The following COL6A3 variants were observed in gnomAD, a reference collection of about 807,000 sequenced individuals.
The protein encoded by COL6A3 is collagen alpha-3(VI) chain.
In COL6A3, 137 loss-of-function variants were observed where a neutral mutation model predicts 274.1. The ratio of observed to expected loss-of-function variants is 0.50; its 90% CI spans 0.44 to 0.58. COL6A3 has a LOEUF of 0.58. COL6A3 is among the 20% of genes least tolerant of loss of function. COL6A3 has a pLI of 0.00. For synonymous variants in COL6A3, 1,650 were observed against 1,650.6 expected (o/e 1.00, Z 0.01); for missense variants, 3,950 against 4,124.9 (o/e 0.96, Z 1.16).
chr2:237,404,759 A>C (rs1172110667), intron 1 of COL6A3, among the ~76,000 whole-genome samples: 2 of 152,194 alleles, frequency 1.3e-5, no homozygotes, highest in African/African-American at 4.8e-5. Context: ...GAGTGGGCTC[A>C]CTCTGGAGCA....
At position 237,364,094 on chromosome 2, in the gene COL6A3, T is replaced by C. The variant is rs1012672982; in HGVS notation, c.5917+256A>G. ...GTCATGATCTTTTGCAAAAGCATCA[T>C]GCTTTCTGAACATTCTACCACCTGA... On this transcript the variant is annotated intron_variant, in intron 13 of 43. Coordinates refer to ENST00000295550, the MANE Select transcript of COL6A3 (RefSeq NM_004369.4). This position sits in a 1 kb window ranked among gnomAD's most constrained non-coding sequence, Gnocchi z 4.6. Among the ~76,000 whole-genome samples the C allele has an allele frequency of 6.6e-6, 1 of 152,204 alleles. No individual in the cohort carries two copies. The highest frequency in any genetic ancestry group is 1.5e-5 in the Non-Finnish European group (1 of 68,038).
intron 21 of COL6A3, among the ~76,000 whole-genome samples, chr2:237,358,267 T>C (rs1038256893): frequency 2.0e-5 from 3 of 152,184 alleles, no homozygotes; most frequent in Admixed American, 1.3e-4. Flanking sequence ...AAAAGCAAAT[T>C]TGAAGTGCCC....
chr2:237,336,998 G>A (rs1474353252), intron 39 of COL6A3, among the ~76,000 whole-genome samples: 1 of 152,022 alleles, frequency 6.6e-6, no homozygotes, highest in Non-Finnish European at 1.5e-5. Flanking sequence ...TTTGCTCCCA[G>A]GGCTTATTAC....
Position 237,367,155 on chromosome 2 carries a change from C to T in COL6A3, c.5032G>A (p.Val1678Met), listed in dbSNP as rs1486977820. The T allele has an allele frequency of 6.2e-7, 1 of 1,614,108 alleles. No homozygotes were observed. Among genetic ancestry groups the T allele is most frequent in the Non-Finnish European group, 8.5e-7 (1 of 1,180,048 alleles). The change falls in exon 11 of 44, where the codon GTG becomes ATG. Residue 1678 changes from valine (V) to methionine (M), a missense_variant. Transcript: ENST00000295550. Reference protein sequence around the residue: ...TVYEDGDSIQVGLVQYNSDPT... With the variant: ...TVYEDGDSIQMGLVQYNSDPT... ...TCAGAGTTGTACTGGACAAGCCCCA[C>T]TTGGATGGAGTCGCCATCTTCATAA...
chr2:237,364,463 C>G lies in COL6A3; in HGVS notation c.5839-35G>C. On this transcript the variant is annotated intron_variant, in intron 12 of 43. Coordinates refer to ENST00000295550, the MANE Select transcript of COL6A3 (RefSeq NM_004369.4). This position sits in a 1 kb window ranked among gnomAD's most constrained non-coding sequence, Gnocchi z 4.6. ...AGAGAGCTGTCAAATCCCAGGAAAACTAAAAAGGAGTGTTGCAGACTGCTG... is the reference window on the plus strand; with the variant it reads ...AGAGAGCTGTCAAATCCCAGGAAAAGTAAAAAGGAGTGTTGCAGACTGCTG... 2.0e-6 allele frequency: 3 copies of G among 1,536,130 alleles called. No individual in the cohort carries two copies. Among genetic ancestry groups the G allele is most frequent in the Non-Finnish European group, 2.7e-6 (3 of 1,109,614 alleles).
At position 237,351,206 on chromosome 2, in the gene COL6A3, G is replaced by A. The variant is rs1438465157; in HGVS notation, c.6754-14C>T. The A allele has an allele frequency of 1.2e-6, 2 of 1,613,778 alleles. No homozygotes were observed. The highest frequency in any genetic ancestry group is 2.7e-5 in the African/African-American group (2 of 74,926). On this transcript the variant is annotated splice_polypyrimidine_tract_variant and intron_variant, in intron 26 of 43. Coordinates refer to ENST00000295550, the MANE Select transcript of COL6A3 (RefSeq NM_004369.4). ...ACCTCCGCTTCCCTGGAGCAGGAGG[G>A]GAGGAATGTGTCAGTGAAGTGGCCA... is the stretch of plus-strand genomic sequence containing the variant.
intron 1 of COL6A3, among the ~76,000 whole-genome samples, chr2:237,402,120 C>T (rs1021847618): frequency 6.6e-6 from 1 of 152,112 alleles, no homozygotes; most frequent in Non-Finnish European, 1.5e-5. Context: ...AAGCCAGTCA[C>T]TAAAAGACAA....
chr2:237,378,261 G>A (rs545258454), intron 6 of COL6A3, among the ~76,000 whole-genome samples: 149 of 152,272 alleles, frequency 9.8e-4, no homozygotes, highest in African/African-American at 3.3e-3. Context: ...CAATTTCAAC[G>A]TTTAAATAAT....
Position 237,380,960 on chromosome 2 carries a change from G to A in COL6A3, c.1852C>T (p.Pro618Ser), listed in dbSNP as rs1042039627. Residue 618 changes from proline to serine, a missense_variant, in exon 5 of 44, where the codon CCT (proline) becomes TCT (serine). By Grantham distance (74) the Pro-to-Ser change is moderately conservative. This residue lies in a region of COL6A3 where 1,934 missense variants were observed against 1,984.3 expected (regional missense o/e 0.97). Transcript: ENST00000295550. ...FRAAPLQGML[P>S]GLLAPLRTLS... Reference sequence around the variant, plus strand: ...GTCCTGAGAGGTGCCAGCAAGCCAGGCAGCATGCCTTGCAATGGGGCGGCT... The same window carrying A: ...GTCCTGAGAGGTGCCAGCAAGCCAGACAGCATGCCTTGCAATGGGGCGGCT... The A allele has an allele frequency of 6.2e-7, 1 of 1,614,178 alleles. No individual in the cohort carries two copies. The highest frequency in any genetic ancestry group is 1.3e-5 in the African/African-American group (1 of 75,062).
intron 3 of COL6A3, among the ~76,000 whole-genome samples, chr2:237,388,631 T>G (rs373137954): frequency 3.3e-5 from 5 of 152,320 alleles, no homozygotes; most frequent in African/African-American, 9.6e-5. Context: ...TCCTGCCTCC[T>G]CAAATGATTA....
At chr2:237,341,233 C>G (rs1316401907) in intron 37 of COL6A3, 83 bp from the exon 38 acceptor site, 1 of 1,347,864 alleles carries the variant, frequency 7.4e-7, no homozygotes. Flanking sequence ...GAGACTTGGG[C>G]GATTAAAATG....
At chr2:237,373,707 C>T (rs1168571089) in intron 8 of COL6A3, among the ~76,000 whole-genome samples, 1 of 152,164 alleles carries the variant, frequency 6.6e-6, no homozygotes, top group Admixed American at 6.5e-5. Context: ...CTGTGAACCC[C>T]CCCCACCCGA....
chr2:237,400,475 T>C (rs1003758061), intron 1 of COL6A3, among the ~76,000 whole-genome samples: 12 of 151,500 alleles, frequency 7.9e-5, no homozygotes, highest in African/African-American at 2.9e-4. Context: ...GTGAGGAAAA[T>C]AGCACACCAA....
rs766228285 is a variant in COL6A3 at position 237,357,411 on chromosome 2, C to A, written c.6538-20G>T. On this transcript the variant is annotated intron_variant, in intron 22 of 43. Transcript: ENST00000295550. ...GACACCCTGGTGTGGGGAAAATTAG[C>A]ATGAGATTCTCATCTGCAGAGAAGA... 4 of 1,603,204 alleles carry A rather than the reference C, an allele frequency of 2.5e-6. No individual in the cohort carries two copies. The South Asian group carries it at 4.4e-5, about 18-fold the overall frequency.
At chr2:237,402,653 AG>A (rs1193445698) in intron 1 of COL6A3, among the ~76,000 whole-genome samples, 1 of 152,216 alleles carries the variant, frequency 6.6e-6, no homozygotes. Context: ...ATAAGAAAAG[AG>A]TATATGTCAT....
chr2:237,336,401 A>G lies in COL6A3; in HGVS notation c.8699T>C (p.Ile2900Thr). ...GGCTGGCTTCACAGATGGCTGATTT[A>G]TAATAGTCACAGGCTTTGTTGTGGT... ...VTTTTKPVTIINQPSVKPAAA... is the reference protein window; with the variant it reads ...VTTTTKPVTITNQPSVKPAAA... The change falls in exon 40 of 44, where the codon ATA (isoleucine) becomes ACA (threonine). Residue 2900 changes from isoleucine (I) to threonine (T), a missense_variant. Physicochemically the swap from Ile to Thr is moderately conservative, Grantham distance 89 (BLOSUM62 -1). Coordinates refer to ENST00000295550, the MANE Select transcript of COL6A3 (RefSeq NM_004369.4). The G allele has an allele frequency of 6.2e-7, 1 of 1,614,220 alleles. No homozygotes were observed. Among genetic ancestry groups the G allele is most frequent in the Non-Finnish European group, 8.5e-7 (1 of 1,180,050 alleles).
rs1218890863 is a variant in COL6A3 at position 237,340,640 on chromosome 2, AT to A, written c.8275del (p.Ile2759SerfsTer20). The A allele has an allele frequency of 6.2e-7, 1 of 1,614,176 alleles. No homozygotes were observed. Among genetic ancestry groups the A allele is most frequent in the East Asian group, 2.2e-5 (1 of 44,878 alleles). ...GTAGCCCTTGCATTTGGCCTGCAGGATGACTCTCTGGGCCTCCTCCAGCTGC... is the reference window on the plus strand; with the variant it reads ...GTAGCCCTTGCATTTGGCCTGCAGGAGACTCTCTGGGCCTCCTCCAGCTGC... ...EQQLEEAQRV[I>X]LQAKCKGYFF... On this transcript the variant is annotated frameshift_variant, in exon 38 of 44. Transcript: ENST00000295550. LOFTEE classifies it high-confidence loss of function.
intron 7 of COL6A3, among the ~76,000 whole-genome samples, chr2:237,375,593 AGTGCAGTG>A (rs2077817310): frequency 6.6e-6 from 1 of 152,178 alleles, no homozygotes; most frequent in Non-Finnish European, 1.5e-5. Context: ...CCCAGGCTAG[AGTGCAGTG>A]GCGCAATCTC....
At chr2:237,357,011 C>T in intron 23 of COL6A3, 1 of 422,594 alleles carries the variant, frequency 2.4e-6, no homozygotes, top group Middle Eastern at 6.4e-4. Flanking sequence ...TATTCCCTCC[C>T]TCCCCCAGTA....
Sources: gnomAD v4.1 joint callset for allele counts (sites outside exome capture counted in the v4.1 genomes callset) on GRCh38, gnomAD v4.1.1 for gene constraint, gnomAD v4.1.1 regional missense constraint, Gnocchi (gnomAD v3.1) non-coding constraint, MANE v1.5 for transcripts, NCBI Gene and HGNC (gene_info 2026-07-23, HGNC 2026-07-21) for gene names.